Variants in PIK3C2G observed in about 807,000 individuals in gnomAD.
PIK3C2G encodes phosphatidylinositol-4-phosphate 3-kinase catalytic subunit type 2 gamma.
A neutral mutation model predicts 181.1 loss-of-function variants in PIK3C2G; 168 were observed. The observed-to-expected ratio is 0.93, with a 90% CI of 0.82 to 1.05. The LOEUF (loss-of-function observed/expected upper bound fraction) is 1.05, where lower values mean the gene tolerates loss of function less well. PIK3C2G is among the 50% of genes least tolerant of loss of function. The pLI is 0.00. For synonymous variants in PIK3C2G, 573 were observed against 592.2 expected, an observed-to-expected ratio of 0.97 and a Z score of 0.47; for missense variants, 1,869 against 1,732.8, an observed-to-expected ratio of 1.08 and a Z score of -1.40.
chr12:18,295,661 TTTA>T (rs1261098816), intron 5 of PIK3C2G, among the ~76,000 whole-genome samples: 1 of 152,018 alleles, frequency 6.6e-6, no homozygotes, highest in Non-Finnish European at 1.5e-5. Context: ...TTAATTGGGT[TTTA>T]TTAAGATAGG....
rs11044057 is a variant in PIK3C2G at position 18,381,932 on chromosome 12, C to T, written c.1995+52C>T. The T allele has an allele frequency of 3.4e-5, 36 of 1,068,144 alleles. 1 individual carries two copies. The Middle Eastern group carries it at 1.0e-3, about 30-fold the overall frequency. The allele number at this position is 1,068,144 out of a possible 1,614,324, so 66.2% of individuals were successfully genotyped here. On this transcript the variant is annotated intron_variant, in intron 14 of 32. Coordinates refer to ENST00000538779, the MANE Select transcript of PIK3C2G (RefSeq NM_001288772.2). ...TACACATGGCAAGTATTGGTTGATACGTAGTTTGTTGTCAATTATAGAAAC... is the reference window on the plus strand; with the variant it reads ...TACACATGGCAAGTATTGGTTGATATGTAGTTTGTTGTCAATTATAGAAAC...
At chr12:18,370,133 G>T (rs553962330) in intron 12 of PIK3C2G, among the ~76,000 whole-genome samples, 1 of 151,804 alleles carries the variant, frequency 6.6e-6, no homozygotes, top group African/African-American at 2.4e-5. Flanking sequence ...CTCCAGAAAA[G>T]AATGAAAGGT....
chr12:18,597,144 A>C (rs928466132), intron 30 of PIK3C2G, among the ~76,000 whole-genome samples: 6 of 152,192 alleles, frequency 3.9e-5, no homozygotes, highest in African/African-American at 1.4e-4. Context: ...GAAATCAAGC[A>C]ATAAAAAAAT....
At chr12:18,465,109 T>C (rs1937717332) in intron 18 of PIK3C2G, among the ~76,000 whole-genome samples, 1 of 151,970 alleles carries the variant, frequency 6.6e-6, no homozygotes, top group African/African-American at 2.4e-5. Context: ...TTTCTTCACC[T>C]AGTCATTCAT....
intron 31 of PIK3C2G, among the ~76,000 whole-genome samples, chr12:18,620,527 C>CAGACAGATAGATAGATAGAT (rs538068604): frequency 6.8e-6 from 1 of 148,066 alleles, no homozygotes; most frequent in Non-Finnish European, 1.5e-5. Context: ...ATTAGACAGA[C>CAGACAGATAGATAGATAGAT]AGATAGATAG....
chr12:18,602,311 C>T (rs1247126468), intron 30 of PIK3C2G, among the ~76,000 whole-genome samples: 3 of 152,066 alleles, frequency 2.0e-5, no homozygotes, highest in African/African-American at 7.2e-5. Context: ...AGCCATAATC[C>T]TCCTAGGCAC....
chr12:18,668,801 C>T, the PIK3C2G span, among the ~76,000 whole-genome samples: 2 of 152,146 alleles, frequency 1.3e-5, no homozygotes, highest in African/African-American at 4.8e-5. Flanking sequence ...CAGGCCTGCC[C>T]AGCTCTGATA....
At chr12:18,654,575 C>T in the PIK3C2G span, among the ~76,000 whole-genome samples, 1 of 152,118 alleles carries the variant, frequency 6.6e-6, no homozygotes, top group African/African-American at 2.4e-5. Flanking sequence ...AAAATTATTG[C>T]CACGGGTGTT....
intron 26 of PIK3C2G, among the ~76,000 whole-genome samples, chr12:18,550,499 T>A (rs1944670435): frequency 6.6e-6 from 1 of 151,942 alleles, no homozygotes. Context: ...GGAGACTAAA[T>A]GCAGACCTCG....
chr12:18,446,985 A>T (rs1233894994), intron 18 of PIK3C2G, among the ~76,000 whole-genome samples: 1 of 152,188 alleles, frequency 6.6e-6, no homozygotes, highest in Non-Finnish European at 1.5e-5. Context: ...AAGAGATGAA[A>T]ATATATTGAT....
intron 24 of PIK3C2G, among the ~76,000 whole-genome samples, chr12:18,533,785 A>T (rs1339205246): frequency 6.6e-6 from 1 of 151,796 alleles, no homozygotes; most frequent in Non-Finnish European, 1.5e-5. Context: ...ATACCCTAAA[A>T]CTCTACATAT....
chr12:18,551,223 C>T (rs1944712272), intron 26 of PIK3C2G, among the ~76,000 whole-genome samples: 1 of 152,098 alleles, frequency 6.6e-6, no homozygotes, highest in Non-Finnish European at 1.5e-5. Flanking sequence ...AAGAAAGTAT[C>T]ATGACACAGT....
intron 18 of PIK3C2G, among the ~76,000 whole-genome samples, chr12:18,479,551 A>T (rs1939351964): frequency 6.6e-6 from 1 of 152,156 alleles, no homozygotes; most frequent in South Asian, 2.1e-4. Flanking sequence ...AGCTATGCAA[A>T]ATGCTCGGAA....
At chr12:18,534,440 C>T (rs1199911615) in intron 24 of PIK3C2G, among the ~76,000 whole-genome samples, 1 of 151,932 alleles carries the variant, frequency 6.6e-6, no homozygotes, top group African/African-American at 2.4e-5. Flanking sequence ...GAAAAATGGT[C>T]ATAAGTTAAT....
At chr12:18,510,860 TTACTC>T (rs1346145386) in intron 24 of PIK3C2G, among the ~76,000 whole-genome samples, 8 of 152,234 alleles carry the variant, frequency 5.3e-5, no homozygotes, top group Non-Finnish European at 1.0e-4. Context: ...CATTTGAAAT[TTACTC>T]TATTATTTTT....
chr12:18,310,681 A>T (rs1425737396), intron 5 of PIK3C2G, among the ~76,000 whole-genome samples: 1 of 151,988 alleles, frequency 6.6e-6, no homozygotes, highest in Non-Finnish European at 1.5e-5. Flanking sequence ...AAATATGTTT[A>T]TGAATGTCAA....
chr12:18,569,851 T>C (rs1049330096), intron 29 of PIK3C2G, among the ~76,000 whole-genome samples: 7 of 152,206 alleles, frequency 4.6e-5, no homozygotes, highest in Admixed American at 2.0e-4. Flanking sequence ...ATATGTTTTT[T>C]GGTCATTCGG....
chr12:18,282,457 T>G lies in PIK3C2G; in HGVS notation c.376T>G (p.Trp126Gly). The change falls in exon 2 of 33, where the codon TGG (tryptophan) becomes GGG (glycine). Residue 126 changes from tryptophan to glycine, a missense_variant. By Grantham distance (184) the Trp-to-Gly change is radical. Transcript: ENST00000538779. The stretch of plus-strand genomic sequence containing the variant: ...TCAAAATACGAATAAAGAATGCTCC[T>G]GGGGAAGCCCCATAGGAAAACATCA... ...KPQNTNKECS[W>G]GSPIGKHHGA... The G allele has an allele frequency of 1.3e-6, 2 of 1,592,644 alleles. No homozygotes were observed. Among genetic ancestry groups the G allele is most frequent in the South Asian group, 2.2e-5 (2 of 90,442 alleles).
the PIK3C2G span, among the ~76,000 whole-genome samples, chr12:18,705,575 A>C: frequency 1.3e-5 from 2 of 152,048 alleles, no homozygotes; most frequent in African/African-American, 4.8e-5. Flanking sequence ...TATTTAAATA[A>C]ATTATACTGG....
Sources: gnomAD v4.1 joint callset for allele counts (sites outside exome capture counted in the v4.1 genomes callset) on GRCh38, gnomAD v4.1.1 for gene constraint, MANE v1.5 for transcripts, NCBI Gene and HGNC (gene_info 2026-07-23, HGNC 2026-07-21) for gene names.